Variants in TMPRSS11D observed in about 807,000 individuals in gnomAD.
TMPRSS11D encodes transmembrane protease serine 11D.
In TMPRSS11D, 32 loss-of-function variants were observed where a neutral mutation model predicts 44.4. That is an observed-to-expected ratio of 0.72 (90% CI 0.54 to 0.97). The LOEUF (loss-of-function observed/expected upper bound fraction) is 0.97. Among genes scored for constraint, TMPRSS11D ranks in the 50% least tolerant of loss-of-function variants. TMPRSS11D has a pLI of 0.00. For missense variants in TMPRSS11D, 446 were observed against 502.6 expected (o/e 0.89, Z 1.08); for synonymous variants, 179 against 177.9 (o/e 1.01, Z -0.05).
intron 2 of TMPRSS11D, among the ~76,000 whole-genome samples, chr4:67,858,456 G>A (rs972417486): frequency 3.9e-5 from 6 of 152,106 alleles, no homozygotes; most frequent in Non-Finnish European, 7.4e-5. Context: ...TGATTTGATA[G>A]CAAAATGCAG....
chr4:67,843,645 C>T (rs746118396), intron 3 of TMPRSS11D, among the ~76,000 whole-genome samples: 2 of 152,164 alleles, frequency 1.3e-5, no homozygotes, highest in African/African-American at 4.8e-5. Context: ...AATTTATGGC[C>T]GGGCGCAGTG....
intron 6 of TMPRSS11D, 131 bp from the exon 7 acceptor site, chr4:67,833,512 C>A: frequency 2.4e-6 from 2 of 838,936 alleles, no homozygotes; most frequent in Non-Finnish European, 3.3e-6. Context: ...CTGGATTTTC[C>A]AAAAAGCATG....
chr4:67,860,459 C>G (rs1360813329), intron 1 of TMPRSS11D: 1 of 151,906 alleles, frequency 6.6e-6, no homozygotes, highest in Non-Finnish European at 1.5e-5. Flanking sequence ...AATAATAATA[C>G]CTACCTCAAA....
chr4:67,883,663 T>C (rs1298633324), intron 1 of TMPRSS11D, among the ~76,000 whole-genome samples: 1 of 152,092 alleles, frequency 6.6e-6, no homozygotes, highest in Non-Finnish European at 1.5e-5. Context: ...ACCACTTCCT[T>C]ATTTAAAGAT....
chr4:67,840,418 T>TG (rs976773442), intron 4 of TMPRSS11D, among the ~76,000 whole-genome samples: 2 of 152,034 alleles, frequency 1.3e-5, no homozygotes, highest in African/African-American at 4.8e-5. Flanking sequence ...GAGATTTTAG[T>TG]GGGGGCACAG....
rs547850027 is a variant in TMPRSS11D at position 67,882,027 on chromosome 4, A to G, written c.8+1899T>C. ...CTGAGAAAATCTAGAGTGACCAAGG[A>G]TCTGAAATGAGTAACACAGCTGTTC... On this transcript the variant is annotated intron_variant, in intron 1 of 9. Coordinates refer to ENST00000283916, the MANE Select transcript of TMPRSS11D (RefSeq NM_004262.3). 4.6e-5 allele frequency among the ~76,000 whole-genome samples: 7 copies of G among 152,292 alleles called. No homozygotes were observed. The South Asian group carries it at 1.2e-3, about 27-fold the overall frequency.
chr4:67,833,397 A>G lies in TMPRSS11D; in HGVS notation c.515-16T>C. 6.8e-7 allele frequency: 1 copy of G among 1,469,074 alleles called. No homozygotes were observed. Among genetic ancestry groups the G allele is most frequent in the Non-Finnish European group, 9.0e-7 (1 of 1,106,620 alleles). 91.0% of individuals were successfully genotyped at this position (1,469,074 alleles called of 1,614,324 possible). On this transcript the variant is annotated splice_polypyrimidine_tract_variant and intron_variant, in intron 6 of 9. Coordinates refer to ENST00000283916, the MANE Select transcript of TMPRSS11D (RefSeq NM_004262.3). ...GCCCCACATTCTAATGAGAAAGGGC[A>G]TTAATGTGCTGGGAAGATCATGATT...
At position 67,878,143 on chromosome 4, in the gene TMPRSS11D, G is replaced by A. The variant is rs142174571; in HGVS notation, c.8+5783C>T. ...TAATATAGTCTTCAAAAACCAGCAT[G>A]ATCTGTTTCTTGCCTGCCTTTAAGT... On this transcript the variant is annotated intron_variant, in intron 1 of 9. Transcript: ENST00000283916. Among the ~76,000 whole-genome samples the A allele has an allele frequency of 4.7e-3, 718 of 152,312 alleles. 4 individuals are homozygous for A. Among genetic ancestry groups the A allele is most frequent in the African/African-American group, 0.015 (605 of 41,574 alleles).
rs533962890 is a variant in TMPRSS11D at position 67,881,401 on chromosome 4, G to A, written c.8+2525C>T. Among the ~76,000 whole-genome samples, 9 of 152,218 alleles carry A rather than the reference G, an allele frequency of 5.9e-5. No homozygotes were observed. The South Asian group carries it at 1.0e-3, about 18-fold the overall frequency. ...AGCTGATCTTCCTGTATGCAGGCCC[G>A]TCCCACACCATCATTAGAAAAACAT... On this transcript the variant is annotated intron_variant, in intron 1 of 9. Transcript: ENST00000283916.
At chr4:67,879,208 G>A (rs895134876) in intron 1 of TMPRSS11D, among the ~76,000 whole-genome samples, 14 of 151,852 alleles carry the variant, frequency 9.2e-5, no homozygotes, top group African/African-American at 3.1e-4. Context: ...AAGGCTGGGC[G>A]CAGTGGCTCA....
intron 1 of TMPRSS11D, among the ~76,000 whole-genome samples, chr4:67,865,555 G>C (rs1159445745): frequency 6.7e-6 from 1 of 149,506 alleles, no homozygotes; most frequent in Non-Finnish European, 1.5e-5. Context: ...TACTTGAAAA[G>C]ATAAAGAAAA....
At position 67,822,274 on chromosome 4, in the gene TMPRSS11D, G is replaced by A. The variant is rs2109652477; in HGVS notation, c.*63C>T. ...GTTTCTTTTTCAGTTGAAATGTAAA[G>A]CTTTGGAATTTAAGACAGGCACACC... is the stretch of plus-strand genomic sequence containing the variant. On this transcript the variant is annotated 3_prime_UTR_variant, in exon 10 of 10. Coordinates refer to ENST00000283916, the MANE Select transcript of TMPRSS11D (RefSeq NM_004262.3). The A allele has an allele frequency of 6.5e-7, 1 of 1,542,704 alleles. No individual in the cohort carries two copies. Among genetic ancestry groups the A allele is most frequent in the Non-Finnish European group, 8.9e-7 (1 of 1,129,488 alleles).
intron 5 of TMPRSS11D, among the ~76,000 whole-genome samples, chr4:67,836,844 C>G (rs1205154484): frequency 6.6e-6 from 1 of 152,176 alleles, no homozygotes; most frequent in Non-Finnish European, 1.5e-5. Context: ...GCGTTCAGTA[C>G]AGACTGTTTG....
chr4:67,830,246 A>C (rs1717912035), intron 7 of TMPRSS11D, among the ~76,000 whole-genome samples: 1 of 152,094 alleles, frequency 6.6e-6, no homozygotes, highest in Non-Finnish European at 1.5e-5. Flanking sequence ...ATGTACCTTT[A>C]AGACATGTAT....
intron 4 of TMPRSS11D, among the ~76,000 whole-genome samples, chr4:67,838,825 CAACTT>C (rs1342805536): frequency 6.6e-6 from 1 of 151,958 alleles, no homozygotes; most frequent in Non-Finnish European, 1.5e-5. Flanking sequence ...GTTAGAGACT[CAACTT>C]AATTTTTTGA....
intron 2 of TMPRSS11D, among the ~76,000 whole-genome samples, chr4:67,856,109 A>G (rs1718628757): frequency 6.6e-6 from 1 of 152,160 alleles, no homozygotes; most frequent in Admixed American, 6.6e-5. Context: ...AAATACCAAC[A>G]TCACTTTTCA....
rs558563794 is a variant in TMPRSS11D at position 67,846,814 on chromosome 4, C to A, written c.250-4189G>T. Among the ~76,000 whole-genome samples, 7 of 152,100 alleles carry A rather than the reference C, an allele frequency of 4.6e-5. No individual in the cohort carries two copies. In the East Asian group the frequency reaches 1.4e-3, roughly 29 times the overall value. Reference sequence around the variant, plus strand: ...ATACTTTATATGATTTTCAGTAAAACAAAACAAAAGGAAACTCAATCACCT... The same window carrying A: ...ATACTTTATATGATTTTCAGTAAAAAAAAACAAAAGGAAACTCAATCACCT... On this transcript the variant is annotated intron_variant, in intron 3 of 9. Transcript: ENST00000283916.
intron 2 of TMPRSS11D, among the ~76,000 whole-genome samples, chr4:67,856,323 G>A (rs1425698034): frequency 6.6e-6 from 1 of 151,912 alleles, no homozygotes; most frequent in Non-Finnish European, 1.5e-5. Context: ...AGCCCAGAAA[G>A]AAATTCACCT....
intron 1 of TMPRSS11D, among the ~76,000 whole-genome samples, chr4:67,869,517 T>C (rs1719006018): frequency 1.3e-5 from 2 of 152,182 alleles, no homozygotes; most frequent in Admixed American, 1.3e-4. Context: ...TTTATAATCA[T>C]ATGATCATAC....
Sources: allele counts gnomAD v4.1 joint callset (sites outside exome capture counted in the v4.1 genomes callset), GRCh38; gene constraint gnomAD v4.1.1; transcripts MANE v1.5; gene names NCBI Gene and HGNC (gene_info 2026-07-23, HGNC 2026-07-21).